The following CNTNAP2 variants were observed in gnomAD, a reference collection of about 807,000 sequenced individuals.
CNTNAP2 encodes contactin associated protein 2.
In CNTNAP2, 98 loss-of-function variants were observed where a neutral mutation model predicts 155.2. The observed-to-expected ratio is 0.63, with a 90% confidence interval of 0.54 to 0.75. CNTNAP2 has a LOEUF of 0.75. Ranked by LOEUF, CNTNAP2 falls within the 30% of genes least tolerant of loss-of-function variation. The pLI, the probability that CNTNAP2 is intolerant of heterozygous loss-of-function variation, is 0.00. For missense variants in CNTNAP2, 1,727 were observed against 1,688.1 expected, an observed-to-expected ratio of 1.02 and a Z score of -0.40; for synonymous variants, 651 against 631.2, an observed-to-expected ratio of 1.03 and a Z score of -0.47.
In CNTNAP2 at chr7:146,913,388, GA is replaced by G. The variant is rs763471063; in HGVS notation, c.402+73488del. Among the ~76,000 whole-genome samples the G allele has an allele frequency of 2.6e-5, 4 of 152,258 alleles. No individual in the cohort carries two copies. The South Asian group carries it at 6.2e-4, about 24-fold the overall frequency. Reference sequence around the variant, plus strand: ...GTCCTAGAAGGTGAAAAAGTTTGATGAAAATTTTTACACAGAGAAGAGAAAG... The same window carrying G: ...GTCCTAGAAGGTGAAAAAGTTTGATGAAATTTTTACACAGAGAAGAGAAAG... On this transcript the variant is annotated intron_variant, in intron 3 of 23. Transcript: ENST00000361727.
chr7:146,308,971 T>A (rs1014486868), intron 1 of CNTNAP2, among the ~76,000 whole-genome samples: 1 of 151,836 alleles, frequency 6.6e-6, no homozygotes, highest in African/African-American at 2.4e-5. Flanking sequence ...GAACCTAAAT[T>A]ATAATAATAA....
intron 8 of CNTNAP2, among the ~76,000 whole-genome samples, chr7:147,270,836 C>T (rs1213727501): frequency 2.0e-5 from 3 of 152,102 alleles, no homozygotes; most frequent in Non-Finnish European, 4.4e-5. Context: ...GCCTCATGTG[C>T]GAAATAAGTT....
At chr7:146,806,456 A>G (rs1263581324) in intron 2 of CNTNAP2, among the ~76,000 whole-genome samples, 1 of 151,686 alleles carries the variant, frequency 6.6e-6, no homozygotes, top group Non-Finnish European at 1.5e-5. Flanking sequence ...AGATTGCACC[A>G]TTGCACTCCA....
In CNTNAP2 at chr7:147,903,909, C is replaced by T. The variant is rs867948907; in HGVS notation, c.2255+188C>T. On this transcript the variant is annotated intron_variant, in intron 14 of 23. Coordinates refer to ENST00000361727, the MANE Select transcript of CNTNAP2 (RefSeq NM_014141.6). ...ATATAAAAGCAGAAAGAGGTCAGTG[C>T]GACAAGGGTATGCATTTAGAAACTG... 7.9e-5 allele frequency among the ~76,000 whole-genome samples: 12 copies of T among 152,230 alleles called. No individual in the cohort carries two copies. In the Middle Eastern group the frequency reaches 0.014, roughly 173 times the overall value.
At chr7:146,822,557 C>T (rs974237388) in intron 2 of CNTNAP2, among the ~76,000 whole-genome samples, 8 of 150,628 alleles carry the variant, frequency 5.3e-5, no homozygotes, top group African/African-American at 1.7e-4. Flanking sequence ...TTTGTTCCTA[C>T]AGTGTCTGAG....
At chr7:148,051,136 T>TCA (rs1471314407) in intron 15 of CNTNAP2, among the ~76,000 whole-genome samples, 2 of 152,228 alleles carry the variant, frequency 1.3e-5, no homozygotes, top group East Asian at 3.8e-4. Context: ...CACTATAAGT[T>TCA]TGTGATAATT....
intron 1 of CNTNAP2, among the ~76,000 whole-genome samples, chr7:146,164,422 A>G (rs1245250237): frequency 2.6e-5 from 4 of 152,082 alleles, no homozygotes; most frequent in African/African-American, 9.7e-5. Flanking sequence ...GTAGGTATGT[A>G]CCTATGTGGT....
rs77643643 is a variant in CNTNAP2, at chr7:148,038,150, A to G, written c.2383+60161A>G. Among the ~76,000 whole-genome samples the G allele has an allele frequency of 1.0e-3, 152 of 152,312 alleles. No individual in the cohort carries two copies. The East Asian group carries it at 0.016, about 16-fold the overall frequency. ...TATTCTTCTGTCAAAACCTTTCCAT[A>G]TCTTCTTATTAGTTACAAAATACAA... On this transcript the variant is annotated intron_variant, in intron 15 of 23. Transcript: ENST00000361727.
intron 12 of CNTNAP2, among the ~76,000 whole-genome samples, chr7:147,592,950 T>C (rs1282603969): frequency 1.3e-5 from 2 of 152,204 alleles, no homozygotes; most frequent in Non-Finnish European, 2.9e-5. Flanking sequence ...TGCTCACATA[T>C]TGCATAGCTG....
chr7:147,048,584 T>G (rs1799413044), intron 4 of CNTNAP2, among the ~76,000 whole-genome samples: 9 of 152,246 alleles, frequency 5.9e-5, no homozygotes, highest in Admixed American at 5.9e-4. Flanking sequence ...CAATGTTCTC[T>G]GATAGAACTT....
chr7:147,600,357 G>T (rs1800920157), intron 12 of CNTNAP2, among the ~76,000 whole-genome samples: 1 of 152,264 alleles, frequency 6.6e-6, no homozygotes, highest in African/African-American at 2.4e-5. Flanking sequence ...AGTAACATTA[G>T]GCTTTGTGGG....
chr7:147,466,100 G>A (rs900464703), intron 10 of CNTNAP2, among the ~76,000 whole-genome samples: 4 of 152,166 alleles, frequency 2.6e-5, no homozygotes, highest in Non-Finnish European at 5.9e-5. Context: ...AAAGGCCAAA[G>A]ATACAGAGGA....
chr7:147,657,887 A>G (rs991945314), intron 13 of CNTNAP2, among the ~76,000 whole-genome samples: 5 of 152,232 alleles, frequency 3.3e-5, no homozygotes, highest in African/African-American at 1.2e-4. Flanking sequence ...ACTGAAAGGA[A>G]AAGAAACTTG....
At chr7:148,352,127 C>T (rs747485134) in intron 21 of CNTNAP2, among the ~76,000 whole-genome samples, 17 of 152,292 alleles carry the variant, frequency 1.1e-4, no homozygotes, top group South Asian at 4.1e-4. Context: ...TAGGATATTG[C>T]GTTTTATTCC....
At chr7:146,224,381 A>C (rs1799256969) in intron 1 of CNTNAP2, among the ~76,000 whole-genome samples, 2 of 151,138 alleles carry the variant, frequency 1.3e-5, no homozygotes, top group South Asian at 2.1e-4. Flanking sequence ...CCAAACCCTA[A>C]TTTTGTTGTT....
intron 3 of CNTNAP2, among the ~76,000 whole-genome samples, chr7:146,998,179 ACTT>A (rs1446121098): frequency 6.6e-6 from 1 of 151,846 alleles, no homozygotes; most frequent in Non-Finnish European, 1.5e-5. Context: ...ATTGCTATAA[ACTT>A]CTTTTTTAGA....
At chr7:146,233,350 G>A (rs1038167730) in intron 1 of CNTNAP2, among the ~76,000 whole-genome samples, 1 of 152,022 alleles carries the variant, frequency 6.6e-6, no homozygotes. Flanking sequence ...AATTTTCATA[G>A]TATAATTAGC....
intron 20 of CNTNAP2, among the ~76,000 whole-genome samples, chr7:148,254,461 C>A (rs928312060): frequency 6.6e-6 from 1 of 152,100 alleles, no homozygotes; most frequent in Non-Finnish European, 1.5e-5. Context: ...TCTCAAAGTT[C>A]TTTATTCCTT....
chr7:146,302,015 A>T lies in CNTNAP2; in HGVS notation c.97+185042A>T, dbSNP rs548361616. Among the ~76,000 whole-genome samples, 3 of 152,262 alleles carry T rather than the reference A, an allele frequency of 2.0e-5. No individual in the cohort carries two copies. In the South Asian group the frequency reaches 6.2e-4, roughly 32 times the overall value. ...TTCTTCCACTCTTTCTGAAAAATTAATGGGAGTCTGTTTTCCACAAGGATA... is the reference window on the plus strand; with the variant it reads ...TTCTTCCACTCTTTCTGAAAAATTATTGGGAGTCTGTTTTCCACAAGGATA... On this transcript the variant is annotated intron_variant, in intron 1 of 23. Coordinates refer to ENST00000361727, the MANE Select transcript of CNTNAP2 (RefSeq NM_014141.6).
Sources: gnomAD v4.1 joint callset for allele counts (sites outside exome capture counted in the v4.1 genomes callset) on GRCh38, gnomAD v4.1.1 for gene constraint, MANE v1.5 for transcripts, NCBI Gene and HGNC (gene_info 2026-07-23, HGNC 2026-07-21) for gene names.